The following DOCK4 variants were observed in gnomAD, a reference collection of about 807,000 sequenced individuals.
DOCK4 encodes dedicator of cytokinesis 4.
DOCK4 carries 97 observed loss-of-function variants against 268.1 expected under a neutral mutation model. That is an observed-to-expected ratio of 0.36 (90% confidence interval 0.31 to 0.43). The LOEUF (loss-of-function observed/expected upper bound fraction) is 0.43, where lower values mean the gene tolerates loss of function less well. DOCK4 is among the 20% of genes least tolerant of loss of function. The pLI is 1.00. For synonymous variants in DOCK4, 954 were observed against 887.2 expected (o/e 1.08, Z -1.34); for missense variants, 2,145 against 2,455.7 (o/e 0.87, Z 2.67).
chr7:112,127,370 T>A (rs1813325386), intron 1 of DOCK4, among the ~76,000 whole-genome samples: 2 of 126,222 alleles, frequency 1.6e-5, no homozygotes, highest in Non-Finnish European at 3.1e-5. Flanking sequence ...TGAGAACACA[T>A]GGACACAGGA....
intron 1 of DOCK4, among the ~76,000 whole-genome samples, chr7:112,016,303 A>C (rs1200904761): frequency 6.6e-6 from 1 of 152,196 alleles, no homozygotes; most frequent in Non-Finnish European, 1.5e-5. Flanking sequence ...TTTCCTCACA[A>C]TTAAATGTAG....
At chr7:111,846,974 TATAC>T (rs1804157972) in intron 24 of DOCK4, 21 bp downstream of exon 24, 1 of 1,611,366 alleles carries the variant, frequency 6.2e-7, no homozygotes, top group Non-Finnish European at 8.5e-7. Context: ...AAGGGAGCTA[TATAC>T]TATGACCTGT....
intron 8 of DOCK4, among the ~76,000 whole-genome samples, chr7:111,968,773 C>T (rs1327370037): frequency 1.3e-4 from 12 of 92,962 alleles, no homozygotes; most frequent in East Asian, 7.7e-4. Context: ...ATGTTTATTG[C>T]GGCACTATTC....
In DOCK4 at chr7:111,741,206, C is replaced by CT; in HGVS notation, c.4927dup (p.Ser1643LysfsTer20). On this transcript the variant is annotated frameshift_variant, in exon 47 of 53. Transcript: ENST00000428084. LOFTEE classifies it high-confidence loss of function. The stretch of plus-strand genomic sequence containing the variant: ...AGAATATCGGTTGACAGCTGGGTAA[C>CT]TTAACGGGCTGTTTCAGGGGGAAAA... The CT allele has an allele frequency of 6.2e-7, 1 of 1,613,758 alleles. No individual in the cohort carries two copies. Among genetic ancestry groups the CT allele is most frequent in the Non-Finnish European group, 8.5e-7 (1 of 1,179,846 alleles).
chr7:112,204,882 AACAC>A (rs34706974), intron 1 of DOCK4, among the ~76,000 whole-genome samples: 162 of 150,002 alleles, frequency 1.1e-3, no homozygotes, highest in Middle Eastern at 3.4e-3. Context: ...TCAATTTTAA[AACAC>A]ACACACACAC....
At chr7:111,884,668 T>G (rs1211119798) in intron 16 of DOCK4, among the ~76,000 whole-genome samples, 1 of 152,144 alleles carries the variant, frequency 6.6e-6, no homozygotes, top group Admixed American at 6.6e-5. Flanking sequence ...ATGGCTAGTT[T>G]ATGTCTTCAA....
At chr7:112,151,349 T>C (rs1188622961) in intron 1 of DOCK4, among the ~76,000 whole-genome samples, 1 of 152,112 alleles carries the variant, frequency 6.6e-6, no homozygotes, top group Non-Finnish European at 1.5e-5. Context: ...AAATCATGCA[T>C]GTTAGGTACT....
chr7:111,949,359 T>C, intron 8 of DOCK4, among the ~76,000 whole-genome samples: 1 of 152,196 alleles, frequency 6.6e-6, no homozygotes, highest in East Asian at 1.9e-4. Flanking sequence ...TTCATCAAAA[T>C]TCTGGAAAAC....
intron 1 of DOCK4, among the ~76,000 whole-genome samples, chr7:112,136,413 A>C (rs1814351005): frequency 6.6e-6 from 1 of 152,096 alleles, no homozygotes; most frequent in African/African-American, 2.4e-5. Flanking sequence ...ACACAAAATA[A>C]TTTTTATTAC....
At chr7:112,161,396 G>A (rs780092021) in intron 1 of DOCK4, among the ~76,000 whole-genome samples, 19 of 152,096 alleles carry the variant, frequency 1.2e-4, no homozygotes, top group Non-Finnish European at 2.2e-4. Flanking sequence ...CATAGTAATG[G>A]GAAGGAAAGA....
At chr7:111,971,459 TC>T in intron 8 of DOCK4, 1 of 228,754 alleles carries the variant, frequency 4.4e-6, no homozygotes, top group South Asian at 6.1e-5. Context: ...AGTCTTGCCT[TC>T]CCCTTGATAA....
chr7:111,740,122 C>T (rs772708843), intron 47 of DOCK4: 2 of 443,996 alleles, frequency 4.5e-6, no homozygotes, highest in Admixed American at 2.5e-5. Flanking sequence ...TTCTTTGAGA[C>T]ACAGTCTCGC....
At chr7:111,733,591 C>T (rs1193033488) in intron 51 of DOCK4, among the ~76,000 whole-genome samples, 1 of 152,170 alleles carries the variant, frequency 6.6e-6, no homozygotes, top group African/African-American at 2.4e-5. Flanking sequence ...TTCCCTAGGA[C>T]CCTCTTCCTC....
intron 25 of DOCK4, 43 bp downstream of exon 25, chr7:111,844,720 T>C: frequency 6.4e-7 from 1 of 1,573,590 alleles, no homozygotes; most frequent in Non-Finnish European, 8.6e-7. Context: ...GACTGAAGCA[T>C]AACCAGGCCC....
intron 1 of DOCK4, among the ~76,000 whole-genome samples, chr7:112,031,578 T>A (rs886723933): frequency 2.0e-5 from 3 of 152,170 alleles, no homozygotes; most frequent in African/African-American, 7.2e-5. Context: ...TAACCTTTAA[T>A]CAAGTTCCAG....
chr7:111,891,745 C>T (rs1395876751), intron 16 of DOCK4, among the ~76,000 whole-genome samples: 4 of 152,170 alleles, frequency 2.6e-5, no homozygotes, highest in Admixed American at 6.5e-5. Context: ...CCTTGCTCTC[C>T]AATTCTGGGC....
intron 1 of DOCK4, among the ~76,000 whole-genome samples, chr7:112,127,111 G>T (rs1318894155): frequency 6.7e-6 from 1 of 150,328 alleles, no homozygotes; most frequent in African/African-American, 2.4e-5. Context: ...ACATGCACAC[G>T]TATGTTTATT....
At chr7:111,854,400 G>T (rs184678978) in intron 23 of DOCK4, among the ~76,000 whole-genome samples, 1 of 152,118 alleles carries the variant, frequency 6.6e-6, no homozygotes, top group East Asian at 1.9e-4. Context: ...CCTCTCACAC[G>T]GACCCCCTTA....
Position 111,728,315 on chromosome 7 carries a change from G to T in DOCK4, c.5887C>A (p.Pro1963Thr). Reference sequence around the variant, plus strand: ...TTGCGGGGCAGGGGCCTGGGCCGCGGGCCGGGGTCAGTCCTCCGGGCCCCA... The same window carrying T: ...TTGCGGGGCAGGGGCCTGGGCCGCGTGCCGGGGTCAGTCCTCCGGGCCCCA... ...ENGARRTDPG[P>T]RPRPLPRKVS... Residue 1963 changes from proline (P) to threonine (T), a missense_variant, in exon 53 of 53, where the codon CCG becomes ACG. This residue lies in a region of DOCK4 where 547 missense variants were observed against 469.0 expected (regional missense o/e 1.17). Coordinates refer to ENST00000428084, the MANE Select transcript of DOCK4 (RefSeq NM_001363540.2). 1 of 1,512,036 alleles carries T rather than the reference G, an allele frequency of 6.6e-7. No homozygotes were observed. The highest frequency in any genetic ancestry group is 1.3e-5 in the South Asian group (1 of 74,720). The allele number at this position is 1,512,036 out of a possible 1,614,324, so 93.7% of individuals were successfully genotyped here.
Sources: allele counts gnomAD v4.1 joint callset (sites outside exome capture counted in the v4.1 genomes callset), GRCh38; gene constraint gnomAD v4.1.1; regional missense constraint gnomAD v4.1.1; transcripts MANE v1.5; gene names NCBI Gene and HGNC (gene_info 2026-07-23, HGNC 2026-07-21).